PTPN21: variants seen among roughly 807,000 people sequenced by gnomAD.
PTPN21 encodes tyrosine-protein phosphatase non-receptor type 21.
PTPN21 carries 77 observed loss-of-function variants against 131.8 expected under a neutral mutation model. That is an observed-to-expected ratio of 0.58 (90% CI 0.49 to 0.71). The LOEUF (loss-of-function observed/expected upper bound fraction) is 0.71, where lower values mean the gene tolerates loss of function less well. Among genes scored for constraint, PTPN21 ranks in the 30% least tolerant of loss-of-function variants. PTPN21 has a pLI of 0.00. For missense variants in PTPN21, 1,552 were observed against 1,527.1 expected (o/e 1.02, Z -0.27); for synonymous variants, 715 against 621.3 (o/e 1.15, Z -2.24).
intron 18 of PTPN21, 42 bp from the exon 19 acceptor site, chr14:88,468,307 G>A (rs366476): frequency 0.43 from 665,080 of 1,538,546 alleles, 146,574 homozygotes; most frequent in East Asian, 0.64. Flanking sequence ...GTGTTCCCCT[G>A]GGGAGACAGA....
intron 2 of PTPN21, among the ~76,000 whole-genome samples, chr14:88,523,728 C>T (rs1382309666): frequency 1.3e-5 from 2 of 150,820 alleles, no homozygotes; most frequent in Non-Finnish European, 2.9e-5. Flanking sequence ...CACACACACA[C>T]ACACACACAC....
At chr14:88,519,953 T>C (rs988046914) in intron 2 of PTPN21, among the ~76,000 whole-genome samples, 5 of 152,182 alleles carry the variant, frequency 3.3e-5, no homozygotes, top group African/African-American at 1.2e-4. Context: ...AAAGCCAGTG[T>C]TTCCCCCAGG....
At chr14:88,547,332 A>G (rs78934089) in intron 2 of PTPN21, among the ~76,000 whole-genome samples, 1 of 6,582 alleles carries the variant, frequency 1.5e-4, no homozygotes, top group Non-Finnish European at 3.6e-4. Context: ...ACCAAAGTAA[A>G]TAAATAAATA....
At chr14:88,524,146 T>A (rs925886212) in intron 2 of PTPN21, among the ~76,000 whole-genome samples, 11 of 152,176 alleles carry the variant, frequency 7.2e-5, no homozygotes, top group Non-Finnish European at 1.6e-4. Flanking sequence ...CACATGGGCC[T>A]GCAAGGGGCT....
chr14:88,484,880 C>G (rs199709389), intron 12 of PTPN21, among the ~76,000 whole-genome samples, 196 bp downstream of exon 12: 1 of 67,194 alleles, frequency 1.5e-5, no homozygotes. Context: ...CATTGAGACT[C>G]TGTCTCCAAA....
chr14:88,510,971 G>A (rs1279937916), intron 3 of PTPN21, among the ~76,000 whole-genome samples: 1 of 150,548 alleles, frequency 6.6e-6, no homozygotes, highest in Non-Finnish European at 1.5e-5. Flanking sequence ...GGAGTGCAAT[G>A]GCGTAATCAG....
intron 10 of PTPN21, among the ~76,000 whole-genome samples, chr14:88,487,493 T>C (rs1427696008): frequency 2.0e-5 from 3 of 151,954 alleles, no homozygotes; most frequent in Non-Finnish European, 4.4e-5. Context: ...TAGTATCTTA[T>C]ATTCAAAAAC....
rs1566814304 is a variant in PTPN21, at chr14:88,479,894, T to A, written c.1537A>T (p.Ser513Cys). 1 of 1,593,134 alleles carries A rather than the reference T, an allele frequency of 6.3e-7. No individual in the cohort carries two copies. The highest frequency in any genetic ancestry group is 1.7e-5 in the Admixed American group (1 of 59,574). The change falls in exon 13 of 19, where the codon AGC (serine) becomes TGC (cysteine). Residue 513 changes from serine to cysteine, a missense_variant. By Grantham distance (112) the Ser-to-Cys change is moderately radical. Coordinates refer to ENST00000556564, the MANE Select transcript of PTPN21 (RefSeq NM_007039.4). ...PSPAAAHCPF[S>C]LSYSFHSPSP... ...GGGCTGTGGAAGCTGTAGCTCAGGC[T>A]GAACGGGCAGTGTGCGGCCGCTGGC...
chr14:88,483,695 C>T (rs1566817056), intron 12 of PTPN21, among the ~76,000 whole-genome samples: 1 of 152,170 alleles, frequency 6.6e-6, no homozygotes, highest in Non-Finnish European at 1.5e-5. Context: ...ACAGCAACCC[C>T]AGTCAAGTTC....
intron 12 of PTPN21, among the ~76,000 whole-genome samples, chr14:88,482,669 A>G (rs2077669528): frequency 6.6e-6 from 1 of 152,040 alleles, no homozygotes; most frequent in East Asian, 1.9e-4. Context: ...ATCCCTGGGA[A>G]GCTCACAGAG....
Position 88,517,079 on chromosome 14 carries a change from T to C in PTPN21, c.350+13A>G, listed in dbSNP as rs757593627. The C allele has an allele frequency of 3.7e-6, 6 of 1,612,032 alleles. No homozygotes were observed. In the African/African-American group the frequency reaches 4.0e-5, roughly 11 times the overall value. ...GACTATTTCCTAAAAACAAACGGCA[T>C]GTAATTTCTCACCTGGTAATCTCCT... On this transcript the variant is annotated intron_variant, in intron 3 of 18. Coordinates refer to ENST00000556564, the MANE Select transcript of PTPN21 (RefSeq NM_007039.4).
At chr14:88,542,040 C>T (rs1432514917) in intron 2 of PTPN21, among the ~76,000 whole-genome samples, 4 of 152,140 alleles carry the variant, frequency 2.6e-5, no homozygotes, top group African/African-American at 9.7e-5. Flanking sequence ...CAAAGGGGTC[C>T]ATGACCGCCA....
chr14:88,471,095 G>A (rs1595338441), intron 15 of PTPN21, among the ~76,000 whole-genome samples: 1 of 152,212 alleles, frequency 6.6e-6, no homozygotes, highest in South Asian at 2.1e-4. Flanking sequence ...AAATTATGCT[G>A]ATATTATATT....
intron 15 of PTPN21, among the ~76,000 whole-genome samples, chr14:88,471,311 G>A (rs1008894109): frequency 1.3e-5 from 2 of 152,146 alleles, no homozygotes; most frequent in African/African-American, 2.4e-5. Flanking sequence ...ATAAAGAATT[G>A]AATGTGGCCA....
intron 2 of PTPN21, among the ~76,000 whole-genome samples, chr14:88,521,301 C>A (rs1486556119): frequency 6.6e-6 from 1 of 152,150 alleles, no homozygotes; most frequent in African/African-American, 2.4e-5. Context: ...GTTTTCTGTT[C>A]CATCTTAGAA....
intron 2 of PTPN21, among the ~76,000 whole-genome samples, chr14:88,547,328 GTAAATAAA>G (rs3055868): frequency 4.8e-5 from 7 of 144,792 alleles, no homozygotes; most frequent in Admixed American, 4.8e-4. Context: ...AGCAACCAAA[GTAAATAAA>G]TAAATAAATA....
chr14:88,514,469 CT>C (rs555587081), intron 3 of PTPN21, among the ~76,000 whole-genome samples: 130 of 140,596 alleles, frequency 9.2e-4, no homozygotes, highest in Admixed American at 9.9e-4. Flanking sequence ...TTTCTTTTTT[CT>C]TTTTTTTTTT....
chr14:88,505,581 A>G (rs1249676854), intron 4 of PTPN21, among the ~76,000 whole-genome samples: 1 of 152,176 alleles, frequency 6.6e-6, no homozygotes, highest in Non-Finnish European at 1.5e-5. Context: ...ATGCCTATGA[A>G]TTAAATAAAA....
chr14:88,480,132 C>G lies in PTPN21; in HGVS notation c.1299G>C (p.Pro433=). 3 of 1,614,104 alleles carry G rather than the reference C, an allele frequency of 1.9e-6. No homozygotes were observed. The highest frequency in any genetic ancestry group is 1.3e-5 in the African/African-American group (1 of 75,020). The change falls in exon 13 of 19, where the codon CCG becomes CCC. Residue 433 remains proline, a synonymous_variant. Coordinates refer to ENST00000556564, the MANE Select transcript of PTPN21 (RefSeq NM_007039.4). The part of the protein sequence containing the change: ...GSDVMRPDYL[P]SHRHSAVIPP... ...GTATCACGGCGCTGTGCCGATGGGACGGGAGGTAGTCAGGCCTCATGACGT... is the reference window on the plus strand; with the variant it reads ...GTATCACGGCGCTGTGCCGATGGGAGGGGAGGTAGTCAGGCCTCATGACGT...
Sources: allele counts gnomAD v4.1 joint callset (sites outside exome capture counted in the v4.1 genomes callset), GRCh38; gene constraint gnomAD v4.1.1; transcripts MANE v1.5; gene names NCBI Gene and HGNC (gene_info 2026-07-23, HGNC 2026-07-21).